The following PTPN12 variants were observed in gnomAD, a reference collection of about 807,000 sequenced individuals.
PTPN12 encodes protein tyrosine phosphatase non-receptor type 12.
PTPN12 carries 29 observed loss-of-function variants against 97.6 expected under a neutral mutation model. The observed-to-expected ratio is 0.30, with a 90% CI of 0.22 to 0.41. PTPN12 has a LOEUF of 0.41. Among genes scored for constraint, PTPN12 ranks in the 10% least tolerant of loss-of-function variants. PTPN12 has a pLI of 1.00. For synonymous variants in PTPN12, 327 were observed against 300.4 expected (o/e 1.09, Z -0.91); for missense variants, 819 against 926.0 (o/e 0.88, Z 1.50).
intron 8 of PTPN12, among the ~76,000 whole-genome samples, chr7:77,601,450 A>G (rs925879251): frequency 6.6e-6 from 1 of 151,944 alleles, no homozygotes; most frequent in African/African-American, 2.4e-5. Context: ...TGATTCTCCC[A>G]CTTTGCTCTC....
intron 1 of PTPN12, chr7:77,537,984 G>C (rs950604712): frequency 4.8e-5 from 48 of 993,380 alleles, no homozygotes; most frequent in Middle Eastern, 4.8e-4. Flanking sequence ...AGGCCGGGGG[G>C]GGGGGCTCGC....
intron 12 of PTPN12, among the ~76,000 whole-genome samples, chr7:77,625,520 T>TCTCTCTCTCTCTCTCTCTCTCTCA (rs1562758886): frequency 1.3e-5 from 1 of 74,232 alleles, no homozygotes; most frequent in Non-Finnish European, 2.6e-5. Flanking sequence ...TCTCTCTCTC[T>TCTCTCTCTCTCTCTCTCTCTCTCA]CTCACTCTCA....
At chr7:77,603,077 G>A (rs2151363495) in intron 8 of PTPN12, among the ~76,000 whole-genome samples, 1 of 152,218 alleles carries the variant, frequency 6.6e-6, no homozygotes, top group East Asian at 1.9e-4. Context: ...GTGGAGATGT[G>A]GGAATCAGTT....
At chr7:77,634,856 C>A (rs543313660) in intron 14 of PTPN12, among the ~76,000 whole-genome samples, 1 of 151,018 alleles carries the variant, frequency 6.6e-6, no homozygotes, top group Admixed American at 6.6e-5. Context: ...GGATTACAGG[C>A]GGGAGCCACC....
chr7:77,627,089 T>C lies in PTPN12; in HGVS notation c.1410T>C (p.Cys470=), dbSNP rs747643905. The C allele has an allele frequency of 6.8e-6, 11 of 1,614,216 alleles. No individual in the cohort carries two copies. Among genetic ancestry groups the C allele is most frequent in the Non-Finnish European group, 9.3e-6 (11 of 1,180,028 alleles). ...TTAAAATTAAATCTGCTTCACCTTG[T>C]ATAGCTGATAAAATCTCTAAGCCAC... The part of the protein sequence containing the change: ...HAIKIKSASP[C]IADKISKPQE... Residue 470 remains cysteine, a synonymous_variant, in exon 13 of 18, where the codon TGT becomes TGC. Transcript: ENST00000248594.
At chr7:77,625,472 G>GCTCGCTCGCTCGCTCTCTCTCTCTCT in intron 12 of PTPN12, among the ~76,000 whole-genome samples, 2 of 33,522 alleles carry the variant, frequency 6.0e-5, no homozygotes, top group Non-Finnish European at 1.0e-4. Context: ...CAGGCTGCTC[G>GCTCGCTCGCTCGCTCTCTCTCTCTCT]CTCTCTCTCT....
chr7:77,630,276 C>G (rs547904255), intron 13 of PTPN12, among the ~76,000 whole-genome samples: 1 of 152,034 alleles, frequency 6.6e-6, no homozygotes, highest in Admixed American at 6.5e-5. Context: ...CCATTGGCAC[C>G]AGAATTAGAG....
chr7:77,593,066 C>T (rs1366856562), intron 6 of PTPN12, among the ~76,000 whole-genome samples: 1 of 151,960 alleles, frequency 6.6e-6, no homozygotes, highest in African/African-American at 2.4e-5. Context: ...GTCAGGAGTT[C>T]GAGACCAGCC....
At chr7:77,610,627 C>T in intron 9 of PTPN12, 138 bp from the exon 10 acceptor site, 1 of 879,092 alleles carries the variant, frequency 1.1e-6, no homozygotes, top group South Asian at 1.7e-5. Context: ...AGCACAGTGT[C>T]TGAGATGCAT....
chr7:77,563,840 T>C (rs1808104921), intron 1 of PTPN12: 5 of 284,842 alleles, frequency 1.8e-5, no homozygotes, highest in South Asian at 1.3e-4. Flanking sequence ...CAACTAAAGG[T>C]AGACATTGCA....
chr7:77,540,522 G>A (rs1026492531), intron 1 of PTPN12, among the ~76,000 whole-genome samples: 1 of 150,880 alleles, frequency 6.6e-6, no homozygotes, highest in African/African-American at 2.4e-5. Flanking sequence ...AGGATTACAG[G>A]CATGAGCCAC....
chr7:77,631,661 G>A lies in PTPN12; in HGVS notation c.1997-687G>A, dbSNP rs148477002. On this transcript the variant is annotated intron_variant, in intron 13 of 17. Coordinates refer to ENST00000248594, the MANE Select transcript of PTPN12 (RefSeq NM_002835.4). ...ACTCTCTTTCCCAAGAGCTAATTTT[G>A]TTTTTACTAGTGAAAAACCTGTATA... 3.4e-3 allele frequency among the ~76,000 whole-genome samples: 515 copies of A among 152,158 alleles called. 2 individuals are homozygous for A. Among genetic ancestry groups the A allele is most frequent in the African/African-American group, 0.012 (497 of 41,522 alleles).
chr7:77,556,777 C>T (rs1807732579), intron 1 of PTPN12, among the ~76,000 whole-genome samples: 1 of 151,950 alleles, frequency 6.6e-6, no homozygotes, highest in South Asian at 2.1e-4. Context: ...TTGCAGTGAT[C>T]CGAGACCGCA....
chr7:77,589,175 C>T (rs944078879), intron 5 of PTPN12, among the ~76,000 whole-genome samples: 3 of 152,088 alleles, frequency 2.0e-5, no homozygotes, highest in Non-Finnish European at 4.4e-5. Flanking sequence ...TGTAATCCAC[C>T]GCACCAGGCC....
At chr7:77,572,426 C>G (rs917112471) in intron 2 of PTPN12, among the ~76,000 whole-genome samples, 14 of 152,088 alleles carry the variant, frequency 9.2e-5, no homozygotes, top group African/African-American at 3.1e-4. Flanking sequence ...ATTGATCAAT[C>G]CCTATTTTTG....
At chr7:77,625,404 G>GCCACAT (rs1434901188) in intron 12 of PTPN12, among the ~76,000 whole-genome samples, 1 of 144,054 alleles carries the variant, frequency 6.9e-6, no homozygotes, top group Non-Finnish European at 1.5e-5. Flanking sequence ...AGCATGCATT[G>GCCACAT]CCACATCCAG....
At chr7:77,597,792 C>T in intron 6 of PTPN12, 50 bp from the exon 7 acceptor site, 1 of 1,577,884 alleles carries the variant, frequency 6.3e-7, no homozygotes, top group Non-Finnish European at 8.6e-7. Context: ...TTTGATGTGT[C>T]TTTTTGTTTT....
Position 77,621,594 on chromosome 7 carries a change from G to A in PTPN12, c.1025+3029G>A, listed in dbSNP as rs577504371. ...TAAGGCAAAAGAATTGCTTGAACCC[G>A]GGAAGTGGAGGTTGCAGTGAGCCAA... On this transcript the variant is annotated intron_variant, in intron 12 of 17. Transcript: ENST00000248594. Among the ~76,000 whole-genome samples, 8 of 152,062 alleles carry A rather than the reference G, an allele frequency of 5.3e-5. No homozygotes were observed. In the East Asian group the frequency reaches 1.4e-3, roughly 26 times the overall value.
chr7:77,604,955 C>T, intron 8 of PTPN12: 1 of 358,830 alleles, frequency 2.8e-6, no homozygotes, highest in South Asian at 2.2e-5. Flanking sequence ...GTTACATGTA[C>T]TCAGATCTGT....
Sources: gnomAD v4.1 joint callset for allele counts (sites outside exome capture counted in the v4.1 genomes callset) on GRCh38, gnomAD v4.1.1 for gene constraint, MANE v1.5 for transcripts, NCBI Gene and HGNC (gene_info 2026-07-23, HGNC 2026-07-21) for gene names.